Variants in NOX4 observed in about 807,000 individuals in gnomAD.
The protein encoded by NOX4 is NADPH oxidase 4.
In NOX4, 69 loss-of-function variants were observed where a neutral mutation model predicts 87.6. That is an observed-to-expected ratio of 0.79 (90% CI 0.65 to 0.96). NOX4 has a LOEUF of 0.96. NOX4 is among the 40% of genes least tolerant of loss of function. The probability of loss-of-function intolerance (pLI) is 0.00; values close to 1 mark genes in which losing one functional copy is unlikely to be tolerated. For synonymous variants in NOX4, 275 were observed against 238.2 expected (o/e 1.15, Z -1.42); for missense variants, 680 against 681.5 (o/e 1.00, Z 0.02).
intron 12 of NOX4, among the ~76,000 whole-genome samples, chr11:89,364,906 C>G (rs1938829197): frequency 6.6e-6 from 1 of 152,056 alleles, no homozygotes; most frequent in Admixed American, 6.6e-5. Context: ...CTGATTGTCT[C>G]AAGGTCACAT....
upstream of NOX4, among the ~76,000 whole-genome samples, chr11:89,491,953 C>G (rs1946871719): frequency 2.0e-5 from 3 of 152,094 alleles, no homozygotes; most frequent in South Asian, 6.2e-4. Context: ...AGGCTTCCCA[C>G]CAGCCGCCAG....
chr11:89,381,325 C>T (rs1231880312), intron 11 of NOX4, among the ~76,000 whole-genome samples: 1 of 152,088 alleles, frequency 6.6e-6, no homozygotes, highest in African/African-American at 2.4e-5. Context: ...CGAGCCCAAG[C>T]CTGCACGTAT....
intron 9 of NOX4, among the ~76,000 whole-genome samples, 194 bp from the exon 10 acceptor site, chr11:89,400,573 G>A (rs1285842322): frequency 2.0e-5 from 3 of 151,946 alleles, no homozygotes; most frequent in Admixed American, 1.3e-4. Flanking sequence ...AAATAAAACA[G>A]AAAGTAATAT....
rs984233182 is a variant in NOX4 at position 89,444,325 on chromosome 11, C to A, written c.350-93G>T. The A allele has an allele frequency of 1.2e-5, 12 of 966,540 alleles. No individual in the cohort carries two copies. The Admixed American group carries it at 2.1e-4, about 17-fold the overall frequency. 59.9% of individuals were successfully genotyped at this position (966,540 alleles called of 1,614,324 possible). A position where few individuals can be genotyped will look rare whatever the true frequency, so the allele number is the denominator to read the frequency against. ...TTCCTCTCCCTAAGTAAATACAGGGCCAAACTTTGACAGCTATGTGGACAA... is the reference window on the plus strand; with the variant it reads ...TTCCTCTCCCTAAGTAAATACAGGGACAAACTTTGACAGCTATGTGGACAA... On this transcript the variant is annotated intron_variant, in intron 4 of 17. Coordinates refer to ENST00000263317, the MANE Select transcript of NOX4 (RefSeq NM_016931.5).
At chr11:89,405,798 T>C (rs1431621509) in intron 8 of NOX4, among the ~76,000 whole-genome samples, 1 of 151,124 alleles carries the variant, frequency 6.6e-6, no homozygotes, top group Admixed American at 6.6e-5. Flanking sequence ...GGCCTTAGAT[T>C]GGGAGTACTT....
intron 6 of NOX4, among the ~76,000 whole-genome samples, chr11:89,435,442 A>G (rs562232839): frequency 1.3e-5 from 2 of 152,254 alleles, no homozygotes; most frequent in South Asian, 2.1e-4. Context: ...CACAATTTCC[A>G]AAGTGTATTA....
At chr11:89,441,091 C>T (rs1052428743) in intron 5 of NOX4, among the ~76,000 whole-genome samples, 2 of 152,098 alleles carry the variant, frequency 1.3e-5, no homozygotes, top group African/African-American at 4.8e-5. Flanking sequence ...CTACCAAAAC[C>T]GTGAAACTGC....
intron 2 of NOX4, among the ~76,000 whole-genome samples, chr11:89,459,571 A>C (rs891900133): frequency 6.6e-6 from 1 of 152,160 alleles, no homozygotes; most frequent in Non-Finnish European, 1.5e-5. Context: ...TGCTTCAAAG[A>C]GAATAAAATA....
intron 2 of NOX4, among the ~76,000 whole-genome samples, chr11:89,486,616 A>G (rs1250481534): frequency 2.4e-5 from 3 of 126,038 alleles, no homozygotes; most frequent in South Asian, 2.4e-4. Flanking sequence ...ATATGTGTGT[A>G]TATATGTGTA....
chr11:89,421,926 A>G lies in NOX4; in HGVS notation c.605T>C (p.Met202Thr). Residue 202 changes from methionine (M) to threonine (T), a missense_variant, in exon 8 of 18, where the codon ATG (methionine) becomes ACG (threonine). Coordinates refer to ENST00000263317, the MANE Select transcript of NOX4 (RefSeq NM_016931.5). ...CCCTGAAACATGCAACGTCAGCAGC[A>G]TGTAGAAGACAAAGAAGAGGTTATG... ...YTHNLFFVFY[M>T]LLTLHVSGGL... 6.4e-7 allele frequency: 1 copy of G among 1,573,702 alleles called. No individual in the cohort carries two copies. Among genetic ancestry groups the G allele is most frequent in the Non-Finnish European group, 8.6e-7 (1 of 1,163,422 alleles).
intron 4 of NOX4, among the ~76,000 whole-genome samples, chr11:89,445,152 A>G (rs892489814): frequency 6.6e-6 from 1 of 152,156 alleles, no homozygotes; most frequent in Non-Finnish European, 1.5e-5. Context: ...ACTTCTCTGT[A>G]AAATGATGGT....
chr11:89,527,114 G>A, the NOX4 span, among the ~76,000 whole-genome samples: 1 of 152,134 alleles, frequency 6.6e-6, no homozygotes, highest in Non-Finnish European at 1.5e-5. Flanking sequence ...GTGAAATTTT[G>A]CCCCTACGCT....
the NOX4 span, among the ~76,000 whole-genome samples, chr11:89,537,496 G>T: frequency 6.6e-6 from 1 of 151,056 alleles, no homozygotes; most frequent in Non-Finnish European, 1.5e-5. Flanking sequence ...TTTTATATAT[G>T]GTATATAAAA....
the NOX4 span, among the ~76,000 whole-genome samples, chr11:89,567,622 T>A: frequency 1.3e-5 from 2 of 152,144 alleles, no homozygotes; most frequent in South Asian, 4.1e-4. Flanking sequence ...AAGCCTCTTA[T>A]AAAACCATCA....
At chr11:89,541,825 T>A in the NOX4 span, among the ~76,000 whole-genome samples, 2 of 152,200 alleles carry the variant, frequency 1.3e-5, no homozygotes, top group East Asian at 3.8e-4. Flanking sequence ...TATTCATTTA[T>A]TTCTTTATTA....
At chr11:89,434,135 CCAG>C (rs1391024463) in intron 6 of NOX4, among the ~76,000 whole-genome samples, 2 of 152,028 alleles carry the variant, frequency 1.3e-5, no homozygotes, top group African/African-American at 4.8e-5. Flanking sequence ...CTATGAGCCA[CCAG>C]CAGAAGCAGA....
intron 2 of NOX4, among the ~76,000 whole-genome samples, chr11:89,460,873 C>T (rs1389328291): frequency 6.6e-6 from 1 of 151,998 alleles, no homozygotes; most frequent in Non-Finnish European, 1.5e-5. Context: ...GTTTATTGTG[C>T]CACTATCCAC....
the NOX4 span, among the ~76,000 whole-genome samples, chr11:89,578,503 A>T: frequency 6.6e-6 from 1 of 152,176 alleles, no homozygotes; most frequent in Non-Finnish European, 1.5e-5. Flanking sequence ...GCTACAATTT[A>T]CCATTAATAC....
intron 7 of NOX4, among the ~76,000 whole-genome samples, chr11:89,425,538 A>G (rs1300477137): frequency 6.6e-6 from 1 of 152,022 alleles, no homozygotes; most frequent in Non-Finnish European, 1.5e-5. Context: ...CAGAATATTT[A>G]TTAACGTAAA....
Sources: gnomAD v4.1 joint callset for allele counts (sites outside exome capture counted in the v4.1 genomes callset) on GRCh38, gnomAD v4.1.1 for gene constraint, MANE v1.5 for transcripts, NCBI Gene and HGNC (gene_info 2026-07-23, HGNC 2026-07-21) for gene names.